The following SRGAP1 variants were observed in gnomAD, a reference collection of about 807,000 sequenced individuals.
SRGAP1 encodes the protein SLIT-ROBO Rho GTPase-activating protein 1.
Under a neutral mutation model 121.9 loss-of-function variants are expected in SRGAP1, and 43 were observed. The ratio of observed to expected loss-of-function variants is 0.35; its 90% CI spans 0.28 to 0.46. The LOEUF is 0.46. Among genes scored for constraint, SRGAP1 ranks in the 20% least tolerant of loss-of-function variants. SRGAP1 has a pLI of 1.00. For missense variants in SRGAP1, 1,102 were observed against 1,350.9 expected (o/e 0.82, Z 2.89); for synonymous variants, 447 against 485.4 (o/e 0.92, Z 1.04).
chr12:63,851,469 C>T (rs910740556), intron 1 of SRGAP1, among the ~76,000 whole-genome samples: 4 of 151,966 alleles, frequency 2.6e-5, no homozygotes, highest in Non-Finnish European at 5.9e-5. Flanking sequence ...CCAGGAACTT[C>T]GGTGTTAGCA....
intron 1 of SRGAP1, among the ~76,000 whole-genome samples, chr12:63,880,390 CCTGA>C (rs1900157131): frequency 6.6e-6 from 1 of 152,054 alleles, no homozygotes; most frequent in Non-Finnish European, 1.5e-5. Flanking sequence ...TGCCACCCCG[CCTGA>C]CTAATTTTTG....
intron 1 of SRGAP1, among the ~76,000 whole-genome samples, chr12:63,886,351 C>T (rs966816539): frequency 5.4e-5 from 8 of 149,206 alleles, no homozygotes; most frequent in African/African-American, 2.1e-4. Context: ...CATGAGCCAT[C>T]GTGCCTGGCC....
intron 1 of SRGAP1, among the ~76,000 whole-genome samples, chr12:63,953,935 T>C (rs2032376698): frequency 6.6e-6 from 1 of 152,230 alleles, no homozygotes; most frequent in African/African-American, 2.4e-5. Context: ...TCCCAATATA[T>C]GAAAATAAAT....
chr12:63,928,708 C>T (rs1202192192), intron 1 of SRGAP1, among the ~76,000 whole-genome samples: 1 of 151,606 alleles, frequency 6.6e-6, no homozygotes, highest in Non-Finnish European at 1.5e-5. Context: ...GCATTATAGT[C>T]AAATAATTAT....
rs781701925 is a variant in SRGAP1, at chr12:63,855,473, G to GTTTTTT, written c.67+10617_67+10622dup. ...AGCAGCAGTCAACATGAAAAATGGTGTTTTTTTTTTTTTTTTTTTTTTTTT... is the reference window on the plus strand; with the variant it reads ...AGCAGCAGTCAACATGAAAAATGGTGTTTTTTTTTTTTTTTTTTTTTTTTTTTTTTT... On this transcript the variant is annotated intron_variant, in intron 1 of 21. Transcript: ENST00000355086. Among the ~76,000 whole-genome samples the GTTTTTT allele has an allele frequency of 3.9e-3, 209 of 52,940 alleles. 21 individuals are homozygous for GTTTTTT. Among genetic ancestry groups the GTTTTTT allele is most frequent in the South Asian group, 8.4e-3 (8 of 952 alleles). 34.7% of individuals were successfully genotyped at this position (52,940 alleles called of 152,430 possible). A position where few individuals can be genotyped will look rare whatever the true frequency, so the allele number is the denominator to read the frequency against.
chr12:64,068,043 T>C (rs73319374), intron 8 of SRGAP1, among the ~76,000 whole-genome samples: 6,223 of 151,860 alleles, frequency 0.041, 389 homozygotes, highest in African/African-American at 0.14. Flanking sequence ...CTTTGGGAGA[T>C]CAAGGCGGGC....
At position 64,091,285 on chromosome 12, in the gene SRGAP1, T is replaced by C; in HGVS notation, c.1446T>C (p.Asn482=). The C allele has an allele frequency of 6.3e-7, 1 of 1,594,018 alleles. No homozygotes were observed. The highest frequency in any genetic ancestry group is 8.6e-7 in the Non-Finnish European group (1 of 1,167,064). The stretch of plus-strand genomic sequence containing the variant: ...TATTCCCTTCCCTTAGGCCTCCAAA[T>C]GTTCCCCCTAAGCCCCAGAAACACA... The part of the protein sequence containing the change: ...RAEYMTTRPP[N]VPPKPQKHRK... Residue 482 remains asparagine (N), a synonymous_variant, in exon 12 of 22, where the codon AAT becomes AAC. Coordinates refer to ENST00000355086, the MANE Select transcript of SRGAP1 (RefSeq NM_020762.4).
intron 1 of SRGAP1, among the ~76,000 whole-genome samples, chr12:63,981,225 G>A (rs2033236355): frequency 6.6e-6 from 1 of 152,130 alleles, no homozygotes; most frequent in Non-Finnish European, 1.5e-5. Flanking sequence ...CTTAAATCCT[G>A]ATGGAAGTAA....
intron 1 of SRGAP1, among the ~76,000 whole-genome samples, chr12:63,951,516 A>G (rs1278656865): frequency 6.6e-6 from 1 of 152,160 alleles, no homozygotes; most frequent in Non-Finnish European, 1.5e-5. Flanking sequence ...TAGGTGAAGA[A>G]TGTGTTCCAG....
chr12:63,926,191 T>C (rs1348422478), intron 1 of SRGAP1, among the ~76,000 whole-genome samples: 1 of 152,210 alleles, frequency 6.6e-6, no homozygotes, highest in Non-Finnish European at 1.5e-5. Flanking sequence ...ACATAGACTT[T>C]TTGGATGTTC....
intron 1 of SRGAP1, among the ~76,000 whole-genome samples, chr12:63,874,043 TGA>T (rs35829596): frequency 0.022 from 3,078 of 141,440 alleles, 201 homozygotes; most frequent in East Asian, 0.2. Flanking sequence ...AAAGAGAAAA[TGA>T]GAGAGAGAGG....
intron 10 of SRGAP1, among the ~76,000 whole-genome samples, chr12:64,083,414 G>A (rs73321303): frequency 0.012 from 1,894 of 152,218 alleles, 39 homozygotes; most frequent in African/African-American, 0.043. Flanking sequence ...CTTACTGCTC[G>A]CTTTTTGGTA....
intron 2 of SRGAP1, among the ~76,000 whole-genome samples, chr12:63,986,267 TTAA>T (rs1176868009): frequency 6.6e-6 from 1 of 151,942 alleles, no homozygotes; most frequent in Non-Finnish European, 1.5e-5. Flanking sequence ...AAAATAAATC[TTAA>T]TGATGATCCC....
rs1003278258 is a variant in SRGAP1, at chr12:64,143,727, G to A, written c.*1055G>A. ...GTGGTTTACACAGGAGGATGGCTTT[G>A]GGCCTAGTAGTTCGAGTCCAGCCTG... On this transcript the variant is annotated 3_prime_UTR_variant, in exon 22 of 22. Transcript: ENST00000355086. 6.9e-6 allele frequency: 1 copy of A among 145,952 alleles called. No individual in the cohort carries two copies. The highest frequency in any genetic ancestry group is 2.5e-5 in the African/African-American group (1 of 39,774). The allele number at this position is 145,952 out of a possible 1,614,324, so 9.0% of individuals were successfully genotyped here.
chr12:63,880,062 T>A (rs931873727), intron 1 of SRGAP1, among the ~76,000 whole-genome samples: 8 of 152,136 alleles, frequency 5.3e-5, no homozygotes, highest in Non-Finnish European at 8.8e-5. Context: ...TTTTCCATGC[T>A]GTTGTTGTGA....
chr12:63,907,520 A>G (rs889949553), intron 1 of SRGAP1, among the ~76,000 whole-genome samples: 2 of 152,082 alleles, frequency 1.3e-5, no homozygotes, highest in African/African-American at 4.8e-5. Flanking sequence ...CCTGGGCAAC[A>G]AGAGGGAAAC....
At chr12:63,886,587 C>G (rs1900391510) in intron 1 of SRGAP1, among the ~76,000 whole-genome samples, 1 of 152,128 alleles carries the variant, frequency 6.6e-6, no homozygotes, top group South Asian at 2.1e-4. Context: ...TCAGGCGATC[C>G]TCCCACTTCA....
intron 1 of SRGAP1, among the ~76,000 whole-genome samples, chr12:63,962,736 A>G (rs949786225): frequency 6.6e-6 from 1 of 152,132 alleles, no homozygotes; most frequent in Admixed American, 6.5e-5. Flanking sequence ...AATTCTCATT[A>G]TACCCTTAAA....
chr12:63,992,129 G>C (rs2033571243), intron 3 of SRGAP1, among the ~76,000 whole-genome samples: 2 of 152,202 alleles, frequency 1.3e-5, no homozygotes, highest in Non-Finnish European at 2.9e-5. Context: ...GATTGGACCA[G>C]GGATCGTATG....
Sources: allele counts gnomAD v4.1 joint callset (sites outside exome capture counted in the v4.1 genomes callset), GRCh38; gene constraint gnomAD v4.1.1; transcripts MANE v1.5; gene names NCBI Gene and HGNC (gene_info 2026-07-23, HGNC 2026-07-21).